The following PP2D1 variants were observed in gnomAD, a reference collection of about 807,000 sequenced individuals.
The protein encoded by PP2D1 is protein phosphatase 2C like domain containing 1.
In PP2D1, 25 loss-of-function variants were observed where a neutral mutation model predicts 30.2. The ratio of observed to expected loss-of-function variants is 0.83; its 90% CI spans 0.60 to 1.16. The LOEUF (loss-of-function observed/expected upper bound fraction) is 1.16, where lower values mean the gene tolerates loss of function less well. Among genes scored for constraint, PP2D1 ranks in the 50% most tolerant of loss-of-function variants. The pLI, the probability that PP2D1 is intolerant of heterozygous loss-of-function variation, is 0.00. For synonymous variants in PP2D1, 260 were observed against 258.9 expected, an observed-to-expected ratio of 1.00 and a Z score of -0.04; for missense variants, 760 against 742.4, an observed-to-expected ratio of 1.02 and a Z score of -0.28.
chr3:20,011,339 G>C (rs890456588), intron 1 of PP2D1, among the ~76,000 whole-genome samples: 1 of 152,028 alleles, frequency 6.6e-6, no homozygotes, highest in Non-Finnish European at 1.5e-5. Flanking sequence ...ATGGACTATT[G>C]GGACAATATA....
chr3:19,999,248 T>G (rs2125143233), intron 2 of PP2D1, among the ~76,000 whole-genome samples: 1 of 151,074 alleles, frequency 6.6e-6, no homozygotes, highest in South Asian at 2.1e-4. Context: ...CCCAGCTAAT[T>G]TTTGTATTTT....
chr3:19,980,227 C>T (rs1696897702), intron 3 of PP2D1: 1 of 152,210 alleles, frequency 6.6e-6, no homozygotes, highest in Non-Finnish European at 1.5e-5. Context: ...TCAGCCTGCA[C>T]TGTAAACCTT....
At chr3:20,004,926 G>C (rs1697300018) in intron 1 of PP2D1, among the ~76,000 whole-genome samples, 2 of 151,982 alleles carry the variant, frequency 1.3e-5, no homozygotes, top group Admixed American at 1.3e-4. Context: ...GGGCAACATA[G>C]TGAGGCCTCG....
At chr3:20,003,670 G>C (rs974966516) in intron 1 of PP2D1, among the ~76,000 whole-genome samples, 1 of 151,950 alleles carries the variant, frequency 6.6e-6, no homozygotes, top group Admixed American at 6.6e-5. Flanking sequence ...CTTGAACCCA[G>C]GAGACAGGAG....
At chr3:19,998,712 T>C (rs1454982489) in intron 2 of PP2D1, among the ~76,000 whole-genome samples, 3 of 152,228 alleles carry the variant, frequency 2.0e-5, no homozygotes, top group African/African-American at 7.2e-5. Flanking sequence ...TATAAGGTAA[T>C]AATTTTTTTT....
At chr3:19,982,908 A>AT (rs943560460), downstream of PP2D1, among the ~76,000 whole-genome samples, 2 of 152,186 alleles carry the variant, frequency 1.3e-5, no homozygotes, top group African/African-American at 4.8e-5. Context: ...TGGGGTGATG[A>AT]TTGCAAAGGT....
At chr3:20,000,874 A>G in intron 2 of PP2D1, 156 bp downstream of exon 2, 1 of 407,316 alleles carries the variant, frequency 2.5e-6, no homozygotes, top group Admixed American at 4.3e-5. Flanking sequence ...CTGCATTTAA[A>G]TTGTGGTTAT....
chr3:19,999,647 C>G (rs1379239122), intron 2 of PP2D1, among the ~76,000 whole-genome samples: 2 of 152,104 alleles, frequency 1.3e-5, no homozygotes, highest in Admixed American at 6.6e-5. Context: ...CCTCGGCCTC[C>G]CAAAGTGCTG....
intron 1 of PP2D1, among the ~76,000 whole-genome samples, chr3:20,011,670 C>T (rs541996942): frequency 6.6e-6 from 1 of 151,826 alleles, no homozygotes; most frequent in Non-Finnish European, 1.5e-5. Flanking sequence ...ATGGTGGCAG[C>T]CGCCTGCAGT....
intron 2 of PP2D1, among the ~76,000 whole-genome samples, chr3:19,991,565 C>T (rs1440673571): frequency 1.3e-5 from 2 of 152,134 alleles, no homozygotes; most frequent in African/African-American, 2.4e-5. Flanking sequence ...GTAATAAGGA[C>T]AGTTTGGTGT....
chr3:19,988,955 C>T (rs1697079873), intron 2 of PP2D1, among the ~76,000 whole-genome samples: 1 of 151,880 alleles, frequency 6.6e-6, no homozygotes, highest in South Asian at 2.1e-4. Flanking sequence ...CACTACACTC[C>T]AGCCTGGGTG....
chr3:20,003,933 A>C (rs1001347684), intron 1 of PP2D1, among the ~76,000 whole-genome samples: 1 of 152,212 alleles, frequency 6.6e-6, no homozygotes, highest in Non-Finnish European at 1.5e-5. Flanking sequence ...TTAAACGTTT[A>C]CAAAGTAAAA....
intron 1 of PP2D1, among the ~76,000 whole-genome samples, 167 bp from the exon 2 acceptor site, chr3:20,002,263 C>G (rs1697266038): frequency 6.6e-6 from 1 of 152,166 alleles, no homozygotes; most frequent in Non-Finnish European, 1.5e-5. Context: ...ACTCAATTAA[C>G]TGGTGATTGA....
chr3:19,989,657 T>G (rs1333692525), intron 2 of PP2D1, among the ~76,000 whole-genome samples: 1 of 152,198 alleles, frequency 6.6e-6, no homozygotes, highest in East Asian at 1.9e-4. Flanking sequence ...GCACTTAATG[T>G]GACAACTGAG....
chr3:19,980,000 CAG>C (rs1294219549), exon 4 of PP2D1: 2 of 152,214 alleles, frequency 1.3e-5, no homozygotes. Flanking sequence ...CACTAGGTGA[CAG>C]AGTTTAATGG....
intron 1 of PP2D1, among the ~76,000 whole-genome samples, chr3:20,008,845 T>C (rs1331360570): frequency 2.0e-5 from 3 of 152,168 alleles, no homozygotes; most frequent in Non-Finnish European, 4.4e-5. Context: ...ATGCACAAGG[T>C]TGCTTTTAGC....
intron 1 of PP2D1, among the ~76,000 whole-genome samples, chr3:20,003,456 A>G (rs1697280634): frequency 6.6e-6 from 1 of 151,850 alleles, no homozygotes; most frequent in Admixed American, 6.6e-5. Flanking sequence ...ATAAAAATAA[A>G]ATTTAGCTGG....
At position 20,001,090 on chromosome 3, in the gene PP2D1, T is replaced by G. The variant is rs1697244429; in HGVS notation, c.1030A>C (p.Ser344Arg). 7.1e-7 allele frequency: 1 copy of G among 1,404,966 alleles called. No individual in the cohort carries two copies. The highest frequency in any genetic ancestry group is 9.2e-7 in the Non-Finnish European group (1 of 1,082,176). The allele number at this position is 1,404,966 out of a possible 1,614,324, so 87.0% of individuals were successfully genotyped here. The change falls in exon 2 of 3, where the codon AGC becomes CGC. Residue 344 changes from serine to arginine, a missense_variant. Ser to Arg is a moderately radical substitution (Grantham distance 110). Coordinates refer to ENST00000389050, the MANE Select transcript of PP2D1 (RefSeq NM_001252657.2). ...TTTGGCATCTCCTGGGAAGGGGAGC[T>G]CTCTGCCAACCCATCATGGGTATTT... ...RKNTHDGLAESSPSQEMPKII... is the reference protein window; with the variant it reads ...RKNTHDGLAERSPSQEMPKII...
intron 2 of PP2D1, among the ~76,000 whole-genome samples, chr3:19,990,836 G>A (rs1575084006): frequency 6.6e-6 from 1 of 151,596 alleles, no homozygotes; most frequent in Admixed American, 6.6e-5. Flanking sequence ...TGCAAGTAGA[G>A]GAAGATTATT....
Sources: gnomAD v4.1 joint callset for allele counts (sites outside exome capture counted in the v4.1 genomes callset) on GRCh38, gnomAD v4.1.1 for gene constraint, MANE v1.5 for transcripts, NCBI Gene and HGNC (gene_info 2026-07-23, HGNC 2026-07-21) for gene names.